Variants in NUP35 observed in about 807,000 individuals in gnomAD.
NUP35 encodes nucleoporin NUP35.
NUP35 carries 25 observed loss-of-function variants against 41.5 expected under a neutral mutation model. The ratio of observed to expected loss-of-function variants is 0.60; its 90% CI spans 0.44 to 0.84. NUP35 has a LOEUF of 0.84. Among genes scored for constraint, NUP35 ranks in the 40% least tolerant of loss-of-function variants. The probability of loss-of-function intolerance (pLI) is 0.00; values close to 1 mark genes in which losing one functional copy is unlikely to be tolerated. For missense variants in NUP35, 396 were observed against 396.6 expected (o/e 1.00, Z 0.01); for synonymous variants, 149 against 130.7 (o/e 1.14, Z -0.96).
At chr2:183,142,603 C>A (rs1685135841) in intron 4 of NUP35, among the ~76,000 whole-genome samples, 1 of 151,600 alleles carries the variant, frequency 6.6e-6, no homozygotes, top group Admixed American at 6.6e-5. Flanking sequence ...GCCTCAGCCT[C>A]CCAAGTAGCT....
rs1335558078 is a variant in NUP35, at chr2:183,161,212, TTCCTGCAGTATTGG to T, written c.*82_*95del. The T allele has an allele frequency of 1.1e-6, 1 of 942,476 alleles. No homozygotes were observed. The highest frequency in any genetic ancestry group is 1.7e-6 in the Non-Finnish European group (1 of 604,060). 58.4% of individuals were successfully genotyped at this position (942,476 alleles called of 1,614,324 possible). On this transcript the variant is annotated 3_prime_UTR_variant, in exon 9 of 9. Coordinates refer to ENST00000295119, the MANE Select transcript of NUP35 (RefSeq NM_138285.5). Reference sequence around the variant, plus strand: ...GTTCCTTCGGTTAGTTATATAACTGTTCCTGCAGTATTGGATAGCTATCTCATACTTCTTTTAGA... The same window carrying T: ...GTTCCTTCGGTTAGTTATATAACTGTATAGCTATCTCATACTTCTTTTAGA...
rs56941373 is a variant in NUP35, at chr2:183,152,156, A to ACACACACACACACACACACAG, written c.539+507_539+508insCACACACACACACACACACAG. On this transcript the variant is annotated intron_variant, in intron 5 of 8. Coordinates refer to ENST00000295119, the MANE Select transcript of NUP35 (RefSeq NM_138285.5). ...ACACACACACACACACACACACACAATGTCACAGGGTTGATACTTTCTGGT... is the reference window on the plus strand; with the variant it reads ...ACACACACACACACACACACACACAACACACACACACACACACACAGTGTCACAGGGTTGATACTTTCTGGT... 4.3e-5 allele frequency among the ~76,000 whole-genome samples: 6 copies of ACACACACACACACACACACAG among 139,764 alleles called. No homozygotes were observed. The East Asian group carries it at 6.5e-4, about 15-fold the overall frequency. The allele number at this position is 139,764 out of a possible 152,430, so 91.7% of individuals were successfully genotyped here. A position where few individuals can be genotyped will look rare whatever the true frequency, so the allele number is the denominator to read the frequency against.
chr2:183,151,610 CAGA>C lies in NUP35; in HGVS notation c.504_506del (p.Glu168del). The C allele has an allele frequency of 6.2e-7, 1 of 1,613,988 alleles. No individual in the cohort carries two copies. The highest frequency in any genetic ancestry group is 8.5e-7 in the Non-Finnish European group (1 of 1,179,882). On this transcript the variant is annotated inframe_deletion, in exon 5 of 9. Transcript: ENST00000295119. ...TATACTCAAGGAGATTCTTTGACTT[CAGA>C]AGATCACCTCGATGACTCTTGGGTG...
intron 4 of NUP35, among the ~76,000 whole-genome samples, chr2:183,139,362 A>G (rs1409948844): frequency 6.6e-6 from 1 of 152,018 alleles, no homozygotes; most frequent in East Asian, 1.9e-4. Flanking sequence ...ATGTGCCACC[A>G]TGCCATACCC....
chr2:183,129,202 G>T (rs1000699633), intron 2 of NUP35, among the ~76,000 whole-genome samples: 1 of 145,240 alleles, frequency 6.9e-6, no homozygotes, highest in East Asian at 1.9e-4. Flanking sequence ...CACATATAGC[G>T]TGTTTAAGGA....
intron 2 of NUP35, among the ~76,000 whole-genome samples, 197 bp downstream of exon 2, chr2:183,128,654 A>G (rs1684586658): frequency 6.6e-6 from 1 of 152,096 alleles, no homozygotes; most frequent in South Asian, 2.1e-4. Context: ...AAGTTTACCA[A>G]TTTGTGTTGG....
intron 7 of NUP35, among the ~76,000 whole-genome samples, chr2:183,159,009 T>C (rs1176964282): frequency 6.6e-6 from 1 of 152,176 alleles, no homozygotes; most frequent in Admixed American, 6.5e-5. Context: ...TTGGTGCTAG[T>C]ATACACACAT....
At chr2:183,118,173 G>C (rs1321069372) in intron 1 of NUP35, among the ~76,000 whole-genome samples, 2 of 152,178 alleles carry the variant, frequency 1.3e-5, no homozygotes, top group African/African-American at 4.8e-5. Flanking sequence ...GATGTCCTGG[G>C]AGGAAGGAAT....
At chr2:183,130,787 T>G (rs1207517213) in intron 3 of NUP35, among the ~76,000 whole-genome samples, 1 of 152,202 alleles carries the variant, frequency 6.6e-6, no homozygotes, top group Non-Finnish European at 1.5e-5. Flanking sequence ...TAGGTATGCC[T>G]TATCCACCTG....
chr2:183,131,647 C>T (rs945626917), intron 3 of NUP35, among the ~76,000 whole-genome samples: 4 of 152,134 alleles, frequency 2.6e-5, no homozygotes, highest in Admixed American at 2.6e-4. Context: ...AAAGATATAG[C>T]TAGTCTTTAT....
intron 1 of NUP35, among the ~76,000 whole-genome samples, chr2:183,126,538 C>T (rs2254879): frequency 0.75 from 114,016 of 152,160 alleles, 43,554 homozygotes; most frequent in African/African-American, 0.88. Context: ...AATATTTCTA[C>T]AGTGCCATGT....
At chr2:183,151,756 T>A in intron 5 of NUP35, 107 bp downstream of exon 5, 1 of 968,170 alleles carries the variant, frequency 1.0e-6, no homozygotes, top group Non-Finnish European at 1.5e-6. Flanking sequence ...CAAACACCCA[T>A]ATTACTACCA....
chr2:183,130,676 T>A, intron 3 of NUP35, 131 bp downstream of exon 3: 1 of 976,986 alleles, frequency 1.0e-6, no homozygotes, highest in South Asian at 1.6e-5. Context: ...AGAATAAACA[T>A]TAAACACATC....
At chr2:183,127,301 A>AG in intron 1 of NUP35, among the ~76,000 whole-genome samples, 1 of 151,956 alleles carries the variant, frequency 6.6e-6, no homozygotes, top group East Asian at 1.9e-4. Flanking sequence ...TTTAAATAAA[A>AG]AAGATGAGAT....
chr2:183,120,504 A>G (rs528834049), upstream of NUP35, among the ~76,000 whole-genome samples: 5 of 152,030 alleles, frequency 3.3e-5, no homozygotes, highest in Non-Finnish European at 7.4e-5. Flanking sequence ...GGTGGGAGAA[A>G]CTGAAGGCAG....
intron 5 of NUP35, among the ~76,000 whole-genome samples, chr2:183,152,618 T>G (rs1310476882): frequency 6.6e-6 from 1 of 152,246 alleles, no homozygotes; most frequent in Non-Finnish European, 1.5e-5. Context: ...TTCAGGTTGC[T>G]GCAAATGCCA....
intron 4 of NUP35, among the ~76,000 whole-genome samples, chr2:183,150,285 C>T (rs72894570): frequency 0.032 from 4,925 of 152,274 alleles, 96 homozygotes; most frequent in Non-Finnish European, 0.043. Context: ...TTTTCTACCT[C>T]GCTTAGAGCT....
At chr2:183,138,263 A>AAAT (rs1553530896) in intron 4 of NUP35, among the ~76,000 whole-genome samples, 4 of 67,108 alleles carry the variant, frequency 6.0e-5, no homozygotes, top group Non-Finnish European at 1.3e-4. Flanking sequence ...ATATATATAT[A>AAAT]TATATATTTT....
intron 1 of NUP35, among the ~76,000 whole-genome samples, chr2:183,127,619 C>G (rs1464559065): frequency 6.6e-6 from 1 of 152,128 alleles, no homozygotes; most frequent in Non-Finnish European, 1.5e-5. Context: ...GCAAGCTTAA[C>G]CCATTGTGTT....
Sources: gnomAD v4.1 joint callset for allele counts (sites outside exome capture counted in the v4.1 genomes callset) on GRCh38, gnomAD v4.1.1 for gene constraint, MANE v1.5 for transcripts, NCBI Gene and HGNC (gene_info 2026-07-23, HGNC 2026-07-21) for gene names.